The following DIAPH2 variants were observed in gnomAD, a reference collection of about 807,000 sequenced individuals.
The protein encoded by DIAPH2 is protein diaphanous homolog 2.
DIAPH2 carries 35 observed loss-of-function variants against 92.7 expected under a neutral mutation model. That is an observed-to-expected ratio of 0.38 (90% confidence interval 0.29 to 0.50). The LOEUF (loss-of-function observed/expected upper bound fraction) is 0.50, where lower values mean the gene tolerates loss of function less well. Ranked by LOEUF, DIAPH2 falls within the 20% of genes least tolerant of loss-of-function variation. DIAPH2 has a pLI of 0.94. For synonymous variants in DIAPH2, 301 were observed against 280.4 expected, an observed-to-expected ratio of 1.07 and a Z score of -0.73; for missense variants, 701 against 819.5, an observed-to-expected ratio of 0.86 and a Z score of 1.77.
chrX:96,697,472 C>A (rs2063831322), intron 1 of DIAPH2, among the ~76,000 whole-genome samples: 1 of 108,022 alleles, frequency 9.3e-6, no homozygotes, highest in African/African-American at 3.4e-5. Flanking sequence ...ATGGTGGAAC[C>A]CTGTCTCTAC....
chrX:96,769,038 G>A (rs763399905), intron 4 of DIAPH2, among the ~76,000 whole-genome samples: 1 of 111,199 alleles, frequency 9.0e-6, no homozygotes, highest in South Asian at 3.8e-4. Context: ...AGGAGATCAA[G>A]TTGGGGGTTG....
chrX:97,124,642 A>G (rs2067079235), intron 21 of DIAPH2, among the ~76,000 whole-genome samples: 1 of 111,515 alleles, frequency 9.0e-6, no homozygotes, highest in Non-Finnish European at 1.9e-5. Flanking sequence ...ATTTTTTTCT[A>G]TTATTCTTAT....
At chrX:97,484,323 T>G (rs2147818085) in intron 26 of DIAPH2, among the ~76,000 whole-genome samples, 1 of 112,098 alleles carries the variant, frequency 8.9e-6, no homozygotes, top group East Asian at 2.8e-4. Flanking sequence ...TTATCTAGCC[T>G]TTCTAAAACT....
chrX:96,756,505 C>T (rs1458614136), intron 3 of DIAPH2, among the ~76,000 whole-genome samples: 1 of 111,635 alleles, frequency 9.0e-6, no homozygotes. Flanking sequence ...TATGATATGC[C>T]ACATTTTGTT....
chrX:97,476,859 G>A (rs12839015), intron 26 of DIAPH2, among the ~76,000 whole-genome samples: 4 of 97,922 alleles, frequency 4.1e-5, no homozygotes, highest in Non-Finnish European at 6.0e-5. Flanking sequence ...CAGGAGAATC[G>A]CTTGAAGCCG....
At chrX:97,083,397 T>A (rs1259482728) in intron 19 of DIAPH2, among the ~76,000 whole-genome samples, 1 of 112,563 alleles carries the variant, frequency 8.9e-6, no homozygotes, top group Non-Finnish European at 1.9e-5. Flanking sequence ...GTGTCTTAAA[T>A]ATTACACAAT....
chrX:97,558,839 T>C (rs1480331297), intron 26 of DIAPH2, among the ~76,000 whole-genome samples: 1 of 111,921 alleles, frequency 8.9e-6, no homozygotes, highest in Non-Finnish European at 1.9e-5. Flanking sequence ...ACAGCACCTG[T>C]GTTATATTAG....
chrX:97,343,768 G>A (rs2069133646), intron 23 of DIAPH2, among the ~76,000 whole-genome samples: 1 of 111,002 alleles, frequency 9.0e-6, no homozygotes, highest in African/African-American at 3.3e-5. Context: ...TCATTTCTGT[G>A]TCACAGAAAT....
chrX:97,341,418 A>C (rs944580040), intron 23 of DIAPH2: 2 of 111,066 alleles, frequency 1.8e-5, no homozygotes, highest in Non-Finnish European at 3.8e-5. Flanking sequence ...GGAGATAAAC[A>C]AAATGGCCAG....
intron 17 of DIAPH2, among the ~76,000 whole-genome samples, chrX:96,969,402 C>A (rs2147829727): frequency 9.1e-6 from 1 of 109,531 alleles, no homozygotes; most frequent in African/African-American, 3.3e-5. Flanking sequence ...TTCATTATTT[C>A]TTTTAGTAGT....
chrX:97,492,810 G>T (rs1256925699), intron 26 of DIAPH2, among the ~76,000 whole-genome samples: 1 of 111,527 alleles, frequency 9.0e-6, no homozygotes, highest in Non-Finnish European at 1.9e-5. Flanking sequence ...CTTTTCTCTT[G>T]CTCCTTTAAA....
chrX:96,790,778 A>G (rs894891091), intron 4 of DIAPH2, among the ~76,000 whole-genome samples: 6 of 111,812 alleles, frequency 5.4e-5, no homozygotes, highest in Non-Finnish European at 9.4e-5. Context: ...CAGGAGAAGG[A>G]GGAACTATAA....
At chrX:96,809,714 G>C (rs922538564) in intron 4 of DIAPH2, among the ~76,000 whole-genome samples, 1 of 110,873 alleles carries the variant, frequency 9.0e-6, no homozygotes, top group Non-Finnish European at 1.9e-5. Context: ...GCCCCACCCT[G>C]TGTCCAAGTG....
intron 1 of DIAPH2, among the ~76,000 whole-genome samples, chrX:96,692,060 T>C (rs1047562989): frequency 8.9e-5 from 10 of 112,476 alleles, no homozygotes; most frequent in Non-Finnish European, 1.9e-4. Context: ...GTTATTAAGC[T>C]AAAAGTAAAA....
intron 4 of DIAPH2, among the ~76,000 whole-genome samples, chrX:96,799,740 A>G (rs2064567712): frequency 9.0e-6 from 1 of 110,785 alleles, no homozygotes; most frequent in South Asian, 3.9e-4. Flanking sequence ...CCCAGGAGGC[A>G]GAGGTTGCAG....
intron 23 of DIAPH2, among the ~76,000 whole-genome samples, chrX:97,324,761 A>G (rs1375877556): frequency 2.7e-5 from 3 of 111,623 alleles, no homozygotes; most frequent in African/African-American, 9.8e-5. Context: ...AACTATCTCT[A>G]TGAGACTGCT....
At chrX:97,288,759 A>G (rs967425744) in intron 23 of DIAPH2, among the ~76,000 whole-genome samples, 4 of 106,754 alleles carry the variant, frequency 3.7e-5, no homozygotes, top group African/African-American at 1.4e-4. Flanking sequence ...AAAAAAAAAC[A>G]CCGATTCACT....
chrX:97,227,681 A>AAGTCTTACAAAGTCAAAGTTGCG (rs1569335124), intron 22 of DIAPH2, among the ~76,000 whole-genome samples: 3 of 112,040 alleles, frequency 2.7e-5, no homozygotes, highest in African/African-American at 9.8e-5. Flanking sequence ...TCAAAGTTGC[A>AAGTCTTACAAAGTCAAAGTTGCG]TAAGTCTTAT....
chrX:97,548,234 C>G (rs1215330005), intron 26 of DIAPH2, among the ~76,000 whole-genome samples: 1 of 112,049 alleles, frequency 8.9e-6, no homozygotes, highest in African/African-American at 3.2e-5. Context: ...CTCTTGTGCA[C>G]CTATGCACAC....
Sources: gnomAD v4.1 joint callset for allele counts (sites outside exome capture counted in the v4.1 genomes callset) on GRCh38, gnomAD v4.1.1 for gene constraint, MANE v1.5 for transcripts, NCBI Gene and HGNC (gene_info 2026-07-23, HGNC 2026-07-21) for gene names.